CSMD1: variants seen among roughly 807,000 people sequenced by gnomAD.
CSMD1 encodes the protein CUB and sushi domain-containing protein 1.
In CSMD1, 213 loss-of-function variants were observed where a neutral mutation model predicts 417.5. The observed-to-expected ratio is 0.51, with a 90% CI of 0.46 to 0.57. The LOEUF is 0.57. Among genes scored for constraint, CSMD1 ranks in the 20% least tolerant of loss-of-function variants. CSMD1 has a pLI of 0.00. For synonymous variants in CSMD1, 2,862 were observed against 1,736.8 expected (o/e 1.65, Z -16.11); for missense variants, 6,923 against 4,529.7 (o/e 1.53, Z -15.17).
chr8:3,570,708 G>C (rs906502221), intron 10 of CSMD1, among the ~76,000 whole-genome samples: 3 of 152,124 alleles, frequency 2.0e-5, no homozygotes, highest in Non-Finnish European at 2.9e-5. Context: ...TCTTCTGTTA[G>C]TTACAGCCAA....
chr8:3,806,494 C>T (rs1458326465), intron 5 of CSMD1, among the ~76,000 whole-genome samples: 2 of 152,138 alleles, frequency 1.3e-5, no homozygotes, highest in Non-Finnish European at 2.9e-5. Flanking sequence ...TCCAAAAGAA[C>T]CAACACAGAG....
intron 25 of CSMD1, among the ~76,000 whole-genome samples, chr8:3,307,412 T>C (rs1804959291): frequency 3.6e-5 from 1 of 27,470 alleles, no homozygotes; most frequent in Non-Finnish European, 1.3e-4. Context: ...CACGAAGTCA[T>C]GATGTTTTTT....
intron 50 of CSMD1, among the ~76,000 whole-genome samples, chr8:3,032,462 T>C (rs1004485493): frequency 1.3e-5 from 2 of 152,026 alleles, no homozygotes; most frequent in Non-Finnish European, 2.9e-5. Context: ...TGATTTGCTG[T>C]GGTCAATAAG....
At chr8:4,533,882 A>C (rs1372496104) in intron 2 of CSMD1, among the ~76,000 whole-genome samples, 1 of 149,652 alleles carries the variant, frequency 6.7e-6, no homozygotes, top group Non-Finnish European at 1.5e-5. Context: ...TGTATAAATA[A>C]ATATATGTAA....
At chr8:4,192,420 A>G (rs1302444860) in intron 3 of CSMD1, among the ~76,000 whole-genome samples, 1 of 152,088 alleles carries the variant, frequency 6.6e-6, no homozygotes, top group Non-Finnish European at 1.5e-5. Context: ...TCAAGAGGCC[A>G]CCATCAGAAT....
chr8:3,045,405 G>A (rs1432816612), intron 50 of CSMD1, among the ~76,000 whole-genome samples: 1 of 152,088 alleles, frequency 6.6e-6, no homozygotes, highest in Non-Finnish European at 1.5e-5. Flanking sequence ...AAAAAAATAG[G>A]TATAAGTGAA....
In CSMD1 at chr8:4,354,883, TGTG is replaced by T. The variant is rs1563086680; in HGVS notation, c.415+65067_415+65069del. Among the ~76,000 whole-genome samples the T allele has an allele frequency of 1.7e-3, 260 of 149,724 alleles. 2 individuals are homozygous for T. Among genetic ancestry groups the T allele is most frequent in the African/African-American group, 6.3e-3 (255 of 40,764 alleles). On this transcript the variant is annotated intron_variant, in intron 3 of 69. Coordinates refer to ENST00000635120, the MANE Select transcript of CSMD1 (RefSeq NM_033225.6). ...AAAATGTAGTGTGTGTGTGTGTGTG[TGTG>T]TGTGTGTGTGTGTGTGTGTGTGTTA...
intron 3 of CSMD1, among the ~76,000 whole-genome samples, chr8:4,321,758 A>G (rs1276202622): frequency 6.6e-6 from 1 of 152,172 alleles, no homozygotes; most frequent in Non-Finnish European, 1.5e-5. Flanking sequence ...GTACTTTCAA[A>G]AAGGATGCTT....
chr8:4,002,238 CGTGTGTTTGT>C (rs1815743071), intron 4 of CSMD1, among the ~76,000 whole-genome samples: 1 of 151,656 alleles, frequency 6.6e-6, no homozygotes. Context: ...CATGTGTGTG[CGTGTGTTTGT>C]GTGTATGTGT....
chr8:3,865,383 C>T (rs991096071), intron 5 of CSMD1, among the ~76,000 whole-genome samples: 2 of 152,144 alleles, frequency 1.3e-5, no homozygotes, highest in African/African-American at 2.4e-5. Flanking sequence ...TGAACACATT[C>T]CCTCAGTCCC....
intron 56 of CSMD1, 41 bp downstream of exon 56, chr8:2,974,410 T>G (rs1239015694): frequency 5.5e-6 from 8 of 1,460,926 alleles, no homozygotes; most frequent in African/African-American, 1.4e-5. Context: ...AAAAGTTATT[T>G]GAAATCTGTA....
intron 3 of CSMD1, among the ~76,000 whole-genome samples, chr8:4,365,638 G>C (rs1434199129): frequency 1.3e-5 from 2 of 152,164 alleles, no homozygotes; most frequent in Non-Finnish European, 2.9e-5. Flanking sequence ...CACTAACGGT[G>C]AATTTTAACA....
rs756149608 is a variant in CSMD1, at chr8:3,118,530, T to C, written c.6299A>G (p.Asn2100Ser). 1.1e-5 allele frequency: 18 copies of C among 1,613,840 alleles called. No individual in the cohort carries two copies. The highest frequency in any genetic ancestry group is 1.5e-5 in the Non-Finnish European group (18 of 1,179,876). Residue 2100 changes from asparagine to serine, a missense_variant, in exon 42 of 70, where the codon AAC (asparagine) becomes AGC (serine). Transcript: ENST00000635120. ...TGATTGCCCCACGCTGTAATCCGAG[T>C]TGATCATGTACCCATTCTGAAATGG... ...PPPFQNGYMINSDYSVGQSVS... is the reference protein window; with the variant it reads ...PPPFQNGYMISSDYSVGQSVS...
Position 3,248,131 on chromosome 8 carries a change from C to A in CSMD1, c.4154-17900G>T, listed in dbSNP as rs111433692. 6.1e-4 allele frequency among the ~76,000 whole-genome samples: 93 copies of A among 152,172 alleles called. 1 individual carries two copies. In the South Asian group the frequency reaches 0.018, roughly 30 times the overall value. ...TGACTTGAGGCCAGGAGTTTGAGAC[C>A]AGCCTGGGCAAAATAGTGAGATGTA... is the stretch of plus-strand genomic sequence containing the variant. On this transcript the variant is annotated intron_variant, in intron 26 of 69. Transcript: ENST00000635120.
At chr8:4,104,359 CTG>C (rs952379585) in intron 3 of CSMD1, among the ~76,000 whole-genome samples, 8 of 152,080 alleles carry the variant, frequency 5.3e-5, no homozygotes, top group African/African-American at 2.4e-5. Flanking sequence ...AGACTGCACA[CTG>C]TGAAAAAATG....
At chr8:2,939,463 G>A (rs911263496) in intron 69 of CSMD1, among the ~76,000 whole-genome samples, 3 of 152,106 alleles carry the variant, frequency 2.0e-5, no homozygotes, top group South Asian at 2.1e-4. Context: ...AAACCCCTAC[G>A]TACAATCTAT....
chr8:3,447,941 G>A (rs1185361745), intron 12 of CSMD1, among the ~76,000 whole-genome samples: 1 of 152,118 alleles, frequency 6.6e-6, no homozygotes, highest in African/African-American at 2.4e-5. Context: ...GTCATTTACA[G>A]ACACCCCACA....
chr8:4,187,069 G>T (rs925061238), intron 3 of CSMD1, among the ~76,000 whole-genome samples: 5 of 152,082 alleles, frequency 3.3e-5, no homozygotes, highest in Admixed American at 6.5e-5. Context: ...TGCTCAAATT[G>T]AAACAAACAT....
intron 5 of CSMD1, among the ~76,000 whole-genome samples, chr8:3,867,820 C>T (rs1805208806): frequency 6.6e-6 from 1 of 152,094 alleles, no homozygotes; most frequent in South Asian, 2.1e-4. Flanking sequence ...CTGACCTTCC[C>T]TCAATTCTAG....
Sources: gnomAD v4.1 joint callset for allele counts (sites outside exome capture counted in the v4.1 genomes callset) on GRCh38, gnomAD v4.1.1 for gene constraint, MANE v1.5 for transcripts, NCBI Gene and HGNC (gene_info 2026-07-23, HGNC 2026-07-21) for gene names.